The following RELCH variants were observed in gnomAD, a reference collection of about 807,000 sequenced individuals.
The protein encoded by RELCH is RAB11 binding and LisH domain, coiled-coil and HEAT repeat containing, also known as RAB11-binding protein RELCH.
Under a neutral mutation model 150.3 loss-of-function variants are expected in RELCH, and 41 were observed. The ratio of observed to expected loss-of-function variants is 0.27; its 90% CI spans 0.21 to 0.35. RELCH has a LOEUF of 0.35. RELCH is among the 10% of genes least tolerant of loss of function. The probability of loss-of-function intolerance (pLI) is 1.00; values close to 1 mark genes in which losing one functional copy is unlikely to be tolerated. For synonymous variants in RELCH, 478 were observed against 531.8 expected, an observed-to-expected ratio of 0.90 and a Z score of 1.39; for missense variants, 1,092 against 1,467.8, an observed-to-expected ratio of 0.74 and a Z score of 4.18.
At chr18:62,229,989 G>T (rs191903837) in intron 8 of RELCH, among the ~76,000 whole-genome samples, 4 of 152,192 alleles carry the variant, frequency 2.6e-5, no homozygotes, top group Admixed American at 1.3e-4. Context: ...TGAGCTAGAG[G>T]TAATTGGAAG....
chr18:62,211,782 C>CAAAT (rs758399807), intron 2 of RELCH, among the ~76,000 whole-genome samples: 2 of 151,780 alleles, frequency 1.3e-5, no homozygotes, highest in Non-Finnish European at 2.9e-5. Flanking sequence ...AATAAATAAG[C>CAAAT]AAATAAATAA....
rs948037600 is a variant in RELCH at position 62,293,427 on chromosome 18, C to T, written c.3459+1796C>T. Among the ~76,000 whole-genome samples the T allele has an allele frequency of 2.0e-5, 3 of 152,126 alleles. No individual in the cohort carries two copies. In the East Asian group the frequency reaches 5.8e-4, roughly 29 times the overall value. The stretch of plus-strand genomic sequence containing the variant: ...ACTCAAGCAGTATTTGAGGCAGATT[C>T]CTTCTTCAGGAAACCTCACTTTTTG... On this transcript the variant is annotated intron_variant, in intron 27 of 28. Transcript: ENST00000644646.
intron 18 of RELCH, 39 bp from the exon 19 acceptor site, chr18:62,266,662 A>T (rs775888997): frequency 2.1e-6 from 3 of 1,413,996 alleles, no homozygotes; most frequent in African/African-American, 2.8e-5. Context: ...TTGCCCATTG[A>T]ACCTGAGACT....
intron 19 of RELCH, 45 bp downstream of exon 19, chr18:62,266,794 A>G: frequency 8.5e-7 from 1 of 1,182,948 alleles, no homozygotes; most frequent in Non-Finnish European, 1.2e-6. Context: ...GCATTTCTTT[A>G]TGCAGGAAAA....
chr18:62,271,927 G>T (rs1272559107), intron 20 of RELCH, among the ~76,000 whole-genome samples: 1 of 152,072 alleles, frequency 6.6e-6, no homozygotes, highest in African/African-American at 2.4e-5. Flanking sequence ...TGAGGCCTCT[G>T]TTCTGTCCCA....
intron 22 of RELCH, among the ~76,000 whole-genome samples, chr18:62,276,450 T>C (rs2044213351): frequency 6.6e-6 from 1 of 152,156 alleles, no homozygotes; most frequent in Non-Finnish European, 1.5e-5. Context: ...GTCATTATCA[T>C]TATTTTTTCC....
At chr18:62,236,418 C>T (rs796108514) in intron 10 of RELCH, among the ~76,000 whole-genome samples, 1 of 151,636 alleles carries the variant, frequency 6.6e-6, no homozygotes, top group South Asian at 2.1e-4. Context: ...CTGTGGTTTT[C>T]TTATCTTGTG....
intron 1 of RELCH, among the ~76,000 whole-genome samples, chr18:62,191,177 C>G (rs991275066): frequency 6.6e-6 from 1 of 152,118 alleles, no homozygotes; most frequent in Non-Finnish European, 1.5e-5. Flanking sequence ...GAGAAACTGC[C>G]AAACTGTTTT....
Position 62,227,377 on chromosome 18 carries a change from T to A in RELCH, c.947T>A (p.Val316Glu). The change falls in exon 6 of 29, where the codon GTA (valine) becomes GAA (glutamate). Residue 316 changes from valine to glutamate, a missense_variant. Val to Glu is a moderately radical substitution (Grantham distance 121, BLOSUM62 -2). Transcript: ENST00000644646. ...TACCGGGATTTTGGAAATCATCAAGTAACTGGAAAAGATCTTGTAGATGTG... is the reference window on the plus strand; with the variant it reads ...TACCGGGATTTTGGAAATCATCAAGAAACTGGAAAAGATCTTGTAGATGTG... ...QLYRDFGNHQVTGKDLVDVAS... is the reference protein window; with the variant it reads ...QLYRDFGNHQETGKDLVDVAS... The A allele has an allele frequency of 6.2e-7, 1 of 1,612,822 alleles. No homozygotes were observed. Among genetic ancestry groups the A allele is most frequent in the Non-Finnish European group, 8.5e-7 (1 of 1,179,168 alleles).
intron 20 of RELCH, among the ~76,000 whole-genome samples, chr18:62,273,617 G>C (rs1430249527): frequency 6.6e-6 from 1 of 152,142 alleles, no homozygotes; most frequent in South Asian, 2.1e-4. Flanking sequence ...CAGCTGAGTT[G>C]TCCAATCAGC....
At chr18:62,280,429 A>G (rs758891142) in intron 23 of RELCH, 35 of 1,613,934 alleles carry the variant, frequency 2.2e-5, no homozygotes, top group Non-Finnish European at 3.0e-5. Flanking sequence ...TACCTTGTCC[A>G]GTGATCCTGA....
intron 15 of RELCH, among the ~76,000 whole-genome samples, chr18:62,259,624 A>G (rs1043677742): frequency 6.6e-6 from 1 of 151,946 alleles, no homozygotes; most frequent in Non-Finnish European, 1.5e-5. Flanking sequence ...TTTAAGATAT[A>G]GAAAAAGCAA....
At position 62,211,255 on chromosome 18, in the gene RELCH, G is replaced by T; in HGVS notation, c.616+13G>T. ...GAAAAAGTGGCAGGTGAGTAAAATT[G>T]TAAGGACAGATTTGGATTCTTTGAC... On this transcript the variant is annotated intron_variant, in intron 2 of 28. Coordinates refer to ENST00000644646, the MANE Select transcript of RELCH (RefSeq NM_001346231.2). 6.7e-7 allele frequency: 1 copy of T among 1,492,716 alleles called. No homozygotes were observed. The highest frequency in any genetic ancestry group is 9.3e-7 in the Non-Finnish European group (1 of 1,073,102). 92.5% of individuals were successfully genotyped at this position (1,492,716 alleles called of 1,614,324 possible).
chr18:62,251,085 A>G (rs1490424397), intron 11 of RELCH, among the ~76,000 whole-genome samples: 2 of 152,218 alleles, frequency 1.3e-5, no homozygotes, highest in Admixed American at 6.5e-5. Flanking sequence ...TTTTTTAGTT[A>G]CAAATCTATC....
rs762621824 is a variant in RELCH at position 62,264,716 on chromosome 18, C to T, written c.2508-13C>T. On this transcript the variant is annotated splice_polypyrimidine_tract_variant and intron_variant, in intron 17 of 28. Coordinates refer to ENST00000644646, the MANE Select transcript of RELCH (RefSeq NM_001346231.2). ...TGTATCCCCTGCCTATTTTTCTTTCCTTTCATATTCAGGTTGCCACAACTT... is the reference window on the plus strand; with the variant it reads ...TGTATCCCCTGCCTATTTTTCTTTCTTTTCATATTCAGGTTGCCACAACTT... 3.2e-6 allele frequency: 5 copies of T among 1,558,676 alleles called. No individual in the cohort carries two copies. Among genetic ancestry groups the T allele is most frequent in the African/African-American group, 1.4e-5 (1 of 72,244 alleles).
chr18:62,264,688 A>T (rs777867993), intron 17 of RELCH, 41 bp from the exon 18 acceptor site: 54 of 1,451,704 alleles, frequency 3.7e-5, no homozygotes, highest in Middle Eastern at 2.0e-4. Flanking sequence ...ACAGTAATTT[A>T]TATGTATCCC....
chr18:62,255,608 C>A, intron 13 of RELCH, 130 bp downstream of exon 13: 1 of 688,872 alleles, frequency 1.5e-6, no homozygotes, highest in Non-Finnish European at 2.5e-6. Flanking sequence ...AGAGATGATC[C>A]AAAAAAGAGA....
chr18:62,188,182 C>A, intron 1 of RELCH, 151 bp downstream of exon 1: 1 of 939,106 alleles, frequency 1.1e-6, no homozygotes, highest in Non-Finnish European at 1.5e-6. Context: ...GCGGTGGAAG[C>A]AAGAGGATCA....
At chr18:62,217,147 T>C (rs1387686560) in intron 2 of RELCH, among the ~76,000 whole-genome samples, 1 of 152,056 alleles carries the variant, frequency 6.6e-6, no homozygotes, top group Non-Finnish European at 1.5e-5. Context: ...CATTAAATTT[T>C]AGTGGGCTGG....
Sources: gnomAD v4.1 joint callset for allele counts (sites outside exome capture counted in the v4.1 genomes callset) on GRCh38, gnomAD v4.1.1 for gene constraint, MANE v1.5 for transcripts, NCBI Gene and HGNC (gene_info 2026-07-23, HGNC 2026-07-21) for gene names.